MGST1: variants seen among roughly 807,000 people sequenced by gnomAD.
The protein encoded by MGST1 is microsomal glutathione S-transferase 1.
In MGST1, 5 loss-of-function variants were observed where a neutral mutation model predicts 8.9. The ratio of observed to expected loss-of-function variants is 0.56; its 90% CI spans 0.29 to 1.19. The LOEUF (loss-of-function observed/expected upper bound fraction) is 1.19, where lower values mean the gene tolerates loss of function less well. Among genes scored for constraint, MGST1 ranks in the 50% most tolerant of loss-of-function variants. The probability of loss-of-function intolerance (pLI) is 0.08; values close to 1 mark genes in which losing one functional copy is unlikely to be tolerated. For missense variants in MGST1, 182 were observed against 187.4 expected, an observed-to-expected ratio of 0.97 and a Z score of 0.17; for synonymous variants, 54 against 67.8, an observed-to-expected ratio of 0.80 and a Z score of 1.00.
chr12:16,404,571 A>C lies in MGST1; in HGVS notation n.778+20967A>C, dbSNP rs527700787. 3.9e-5 allele frequency among the ~76,000 whole-genome samples: 6 copies of C among 152,036 alleles called. No individual in the cohort carries two copies. The East Asian group carries it at 7.7e-4, about 20-fold the overall frequency. ...AATATTTTAAAATAGTTATTCTGTA[A>C]ATTTCTACAGGCACACTTAACTAAT... On this transcript the variant is annotated intron_variant and non_coding_transcript_variant, in intron 1 of 1. Coordinates refer to the MGST1 transcript ENST00000359720.
chr12:16,378,992 G>T (rs1278239389), downstream of MGST1, among the ~76,000 whole-genome samples: 1 of 152,066 alleles, frequency 6.6e-6, no homozygotes, highest in Non-Finnish European at 1.5e-5. Flanking sequence ...TTTGCACATT[G>T]ATTTTGTATC....
At position 16,364,275 on chromosome 12, in the gene MGST1, A is replaced by G; in HGVS notation, c.*234A>G. On this transcript the variant is annotated 3_prime_UTR_variant, in exon 4 of 4. Coordinates refer to ENST00000396210, the MANE Select transcript of MGST1 (RefSeq NM_020300.5). This position sits in a 1 kb window ranked among gnomAD's most constrained non-coding sequence, Gnocchi z 5.7. ...TGTCTGATTTTTAAAGTACTTTCTTATAAATTTGGATCATGTTATGATTTG... is the reference window on the plus strand; with the variant it reads ...TGTCTGATTTTTAAAGTACTTTCTTGTAAATTTGGATCATGTTATGATTTG... The G allele has an allele frequency of 8.4e-7, 1 of 1,192,502 alleles. No homozygotes were observed. Among genetic ancestry groups the G allele is most frequent in the Non-Finnish European group, 1.0e-6 (1 of 959,176 alleles). 73.9% of individuals were successfully genotyped at this position (1,192,502 alleles called of 1,614,324 possible).
intron 4 of MGST1, among the ~76,000 whole-genome samples, chr12:16,551,686 AT>A (rs1169660358): frequency 3.3e-5 from 5 of 151,950 alleles, no homozygotes; most frequent in African/African-American, 1.2e-4. Flanking sequence ...AATGATAATA[AT>A]GTTTCACTGC....
At chr12:16,418,991 T>A (rs1565450598) in intron 1 of MGST1, among the ~76,000 whole-genome samples, 1 of 152,126 alleles carries the variant, frequency 6.6e-6, no homozygotes, top group South Asian at 2.1e-4. Context: ...AAGATCATTA[T>A]TGATGTCCAG....
At chr12:16,386,114 T>G (rs1206591383) in intron 1 of MGST1, among the ~76,000 whole-genome samples, 1 of 152,120 alleles carries the variant, frequency 6.6e-6, no homozygotes, top group Non-Finnish European at 1.5e-5. Context: ...CAGTGACAAA[T>G]TTGCTAGGTT....
chr12:16,581,956 T>C (rs1388761812), intron 4 of MGST1, among the ~76,000 whole-genome samples: 1 of 152,114 alleles, frequency 6.6e-6, no homozygotes. Flanking sequence ...ATAAAATAAT[T>C]ATCTTTTTTA....
intron 4 of MGST1, among the ~76,000 whole-genome samples, chr12:16,532,061 C>T (rs1347414986): frequency 2.0e-5 from 3 of 152,074 alleles, no homozygotes; most frequent in East Asian, 1.9e-4. Context: ...GGCAGTTACT[C>T]ATGTCCAGGA....
downstream of MGST1, among the ~76,000 whole-genome samples, chr12:16,591,894 C>T (rs1182350473): frequency 2.0e-5 from 3 of 152,012 alleles, no homozygotes; most frequent in African/African-American, 7.2e-5. The surrounding 1 kb of genome is among the most constrained non-coding windows in gnomAD (Gnocchi z 4.1). Context: ...TTTCTAATCT[C>T]TCCTGATCAT....
intron 1 of MGST1, chr12:16,400,617 A>C: frequency 8.0e-7 from 1 of 1,252,706 alleles, no homozygotes; most frequent in Non-Finnish European, 1.2e-6. Flanking sequence ...TCATCGTATG[A>C]CGCTTGGTAT....
chr12:16,592,674 A>G (rs1380379221), downstream of MGST1, among the ~76,000 whole-genome samples: 1 of 151,984 alleles, frequency 6.6e-6, no homozygotes, highest in Admixed American at 6.6e-5. Context: ...TGAGCAGCTA[A>G]TAAACAAAAA....
chr12:16,372,083 A>C (rs762428765), intron 3 of MGST1, among the ~76,000 whole-genome samples: 1 of 152,120 alleles, frequency 6.6e-6, no homozygotes, highest in Non-Finnish European at 1.5e-5. Flanking sequence ...TGAAATTATA[A>C]GAAGAAAACA....
chr12:16,514,431 A>T, intron 4 of MGST1: 1 of 278,740 alleles, frequency 3.6e-6, no homozygotes, highest in South Asian at 3.6e-5. Flanking sequence ...CCATCGCATC[A>T]TTAGCATGCA....
At chr12:16,478,787 C>T (rs937590366) in intron 4 of MGST1, among the ~76,000 whole-genome samples, 1 of 152,024 alleles carries the variant, frequency 6.6e-6, no homozygotes, top group African/African-American at 2.4e-5. Context: ...ATCCTTGAGT[C>T]TCTTAAATGT....
chr12:16,411,240 G>A (rs747126379), intron 1 of MGST1, among the ~76,000 whole-genome samples: 3 of 152,090 alleles, frequency 2.0e-5, no homozygotes, highest in African/African-American at 4.8e-5. Flanking sequence ...TGAGCTCACC[G>A]TTACAGCTAG....
chr12:16,476,280 A>G (rs1941322554), intron 4 of MGST1, among the ~76,000 whole-genome samples: 1 of 152,238 alleles, frequency 6.6e-6, no homozygotes, highest in Non-Finnish European at 1.5e-5. Context: ...GTTGTGAGGT[A>G]GTTGCCAGCT....
At chr12:16,566,925 A>G (rs1197205946) in intron 4 of MGST1, among the ~76,000 whole-genome samples, 1 of 152,228 alleles carries the variant, frequency 6.6e-6, no homozygotes, top group Admixed American at 6.6e-5. Flanking sequence ...AACTACCAAA[A>G]GCCCATGCTA....
intron 4 of MGST1, among the ~76,000 whole-genome samples, chr12:16,578,258 A>G (rs1215840019): frequency 6.6e-6 from 1 of 152,222 alleles, no homozygotes; most frequent in Admixed American, 6.5e-5. Context: ...GAATTCTAAG[A>G]GAATTTTTTC....
rs1353655514 is a variant in MGST1 at position 16,544,834 on chromosome 12, A to G, written n.483-44694A>G. On this transcript the variant is annotated intron_variant and non_coding_transcript_variant, in intron 4 of 4. Coordinates refer to the MGST1 transcript ENST00000538857. This position sits in a 1 kb window ranked among gnomAD's most constrained non-coding sequence, Gnocchi z 4.8. ...TTCCATTGATGTGATAGGGAGGATGACTATTAAATTATCGGCTAACTTGAT... is the reference window on the plus strand; with the variant it reads ...TTCCATTGATGTGATAGGGAGGATGGCTATTAAATTATCGGCTAACTTGAT... Among the ~76,000 whole-genome samples, 2 of 152,078 alleles carry G rather than the reference A, an allele frequency of 1.3e-5. No homozygotes were observed. Among genetic ancestry groups the G allele is most frequent in the African/African-American group, 2.4e-5 (1 of 41,446 alleles).
intron 1 of MGST1, chr12:16,400,335 A>G: frequency 2.5e-6 from 2 of 802,206 alleles, no homozygotes; most frequent in Admixed American, 3.5e-5. Context: ...TGTACAAAAT[A>G]TCCAGTTTGT....
Sources: gnomAD v4.1 joint callset for allele counts (sites outside exome capture counted in the v4.1 genomes callset) on GRCh38, gnomAD v4.1.1 for gene constraint, Gnocchi (gnomAD v3.1) non-coding constraint, MANE v1.5 for transcripts, NCBI Gene and HGNC (gene_info 2026-07-23, HGNC 2026-07-21) for gene names.